Variants in OSCP1 observed in about 807,000 individuals in gnomAD.
OSCP1 encodes the protein protein OSCP1.
In OSCP1, 35 loss-of-function variants were observed where a neutral mutation model predicts 45.1. The observed-to-expected ratio is 0.78, with a 90% confidence interval of 0.59 to 1.03. The LOEUF (loss-of-function observed/expected upper bound fraction) is 1.03, where lower values mean the gene tolerates loss of function less well. Among genes scored for constraint, OSCP1 ranks in the 50% least tolerant of loss-of-function variants. The pLI is 0.00. For synonymous variants in OSCP1, 179 were observed against 180.1 expected (o/e 0.99, Z 0.05); for missense variants, 400 against 470.7 (o/e 0.85, Z 1.39).
intron 4 of OSCP1, among the ~76,000 whole-genome samples, chr1:36,425,693 AC>A (rs1260486893): frequency 6.6e-6 from 1 of 151,452 alleles, no homozygotes; most frequent in East Asian, 1.9e-4. Flanking sequence ...AGACCTTGTC[AC>A]TGTATTCCAG....
At chr1:36,449,536 A>T (rs1047248517) in intron 1 of OSCP1, among the ~76,000 whole-genome samples, 2 of 152,106 alleles carry the variant, frequency 1.3e-5, no homozygotes, top group Non-Finnish European at 2.9e-5. Context: ...ACCATAAAGA[A>T]ATTAAGAATC....
chr1:36,429,535 A>ATTTTTTTTTTTTTTTTTTTTTTTTT (rs200043573), intron 4 of OSCP1, among the ~76,000 whole-genome samples: 7 of 100,318 alleles, frequency 7.0e-5, no homozygotes, highest in African/African-American at 2.1e-4. Context: ...GAAGCTTAGA[A>ATTTTTTTTTTTTTTTTTTTTTTTTT]TTTTTTTTTT....
chr1:36,428,257 G>T, intron 4 of OSCP1: 161 of 1,307,942 alleles, frequency 1.2e-4, no homozygotes, highest in East Asian at 5.4e-4. Context: ...ATCTTCCTTT[G>T]TCCATGGAAG....
At chr1:36,438,630 G>A (rs1304747250) in intron 2 of OSCP1, 126 bp downstream of exon 2, 12 of 1,137,120 alleles carry the variant, frequency 1.1e-5, no homozygotes, top group South Asian at 3.7e-5. Flanking sequence ...ACAACTACTA[G>A]TATTTACACA....
chr1:36,429,914 G>A (rs1321180247), intron 4 of OSCP1, among the ~76,000 whole-genome samples: 2 of 150,932 alleles, frequency 1.3e-5, no homozygotes. Context: ...AGGTTCACGC[G>A]ATTCTCCTGC....
chr1:36,443,896 A>T, intron 1 of OSCP1: 1 of 1,265,340 alleles, frequency 7.9e-7, no homozygotes, highest in Non-Finnish European at 1.1e-6. Context: ...CTATTTTCTT[A>T]CTTTGACTTT....
intron 4 of OSCP1, among the ~76,000 whole-genome samples, chr1:36,426,123 G>A (rs1647949000): frequency 6.6e-6 from 1 of 152,190 alleles, no homozygotes; most frequent in Admixed American, 6.5e-5. Flanking sequence ...GTGACCAAGG[G>A]ATGTGAGTAC....
In OSCP1 at chr1:36,435,438, T is replaced by G. The variant is rs183964948; in HGVS notation, c.268-2849A>C. On this transcript the variant is annotated intron_variant, in intron 2 of 9. Coordinates refer to ENST00000235532, the MANE Select transcript of OSCP1 (RefSeq NM_145047.5). ...CTGGGATTACAGGTGTGAGCTACTG[T>G]GCTCAGTCTCTAAACTTTTTTAAAG... Among the ~76,000 whole-genome samples the G allele has an allele frequency of 4.8e-3, 726 of 152,134 alleles. 5 individuals are homozygous for G. Among genetic ancestry groups the G allele is most frequent in the Non-Finnish European group, 9.0e-3 (610 of 67,976 alleles).
chr1:36,447,285 T>A lies in OSCP1; in HGVS notation c.112+2973A>T, dbSNP rs1470818660. The stretch of plus-strand genomic sequence containing the variant: ...CTCTCTACCCTGTTTTCTCACTCTA[T>A]CTTCTACAGATCTCCAACAGCCAAC... On this transcript the variant is annotated intron_variant, in intron 1 of 9. Transcript: ENST00000235532. The surrounding 1 kb of genome is among the most constrained non-coding windows in gnomAD (Gnocchi z 4.1). 6.6e-6 allele frequency among the ~76,000 whole-genome samples: 1 copy of A among 152,206 alleles called. No homozygotes were observed. The highest frequency in any genetic ancestry group is 1.5e-5 in the Non-Finnish European group (1 of 68,034).
chr1:36,443,203 A>C (rs780414737), intron 1 of OSCP1, among the ~76,000 whole-genome samples: 24 of 152,106 alleles, frequency 1.6e-4, no homozygotes, highest in Non-Finnish European at 2.9e-4. Context: ...ACCTCAAGTG[A>C]TCCTCCTGCC....
intron 1 of OSCP1, among the ~76,000 whole-genome samples, chr1:36,442,037 G>A (rs1266175256): frequency 6.6e-6 from 1 of 152,006 alleles, no homozygotes; most frequent in Non-Finnish European, 1.5e-5. Flanking sequence ...AGACCAGCCT[G>A]ACCAACATGG....
chr1:36,426,765 G>A (rs758289351), intron 4 of OSCP1, among the ~76,000 whole-genome samples: 10 of 152,160 alleles, frequency 6.6e-5, no homozygotes, highest in Non-Finnish European at 5.9e-5. Flanking sequence ...TAGTGCAGTG[G>A]TGCGATCTCG....
chr1:36,428,298 A>G, intron 4 of OSCP1: 2 of 1,607,658 alleles, frequency 1.2e-6, no homozygotes, highest in South Asian at 2.2e-5. Flanking sequence ...AATACATTGC[A>G]TTTCTTCCCC....
At chr1:36,448,486 CA>C (rs1649671713) in intron 1 of OSCP1, among the ~76,000 whole-genome samples, 1 of 152,076 alleles carries the variant, frequency 6.6e-6, no homozygotes, top group Admixed American at 6.6e-5. Context: ...TGCTGGAGTA[CA>C]AAGATGAATA....
intron 9 of OSCP1, 93 bp downstream of exon 9, chr1:36,418,898 A>G (rs1647438280): frequency 1.8e-6 from 2 of 1,084,236 alleles, no homozygotes; most frequent in African/African-American, 3.2e-5. Flanking sequence ...ACTGCACTTC[A>G]CCTGGGTGAC....
At position 36,432,474 on chromosome 1, in the gene OSCP1, T is replaced by C. The variant is rs769235150; in HGVS notation, c.383A>G (p.Asp128Gly). The C allele has an allele frequency of 6.2e-7, 1 of 1,613,878 alleles. No individual in the cohort carries two copies. Among genetic ancestry groups the C allele is most frequent in the South Asian group, 1.1e-5 (1 of 91,066 alleles). ...HLDTIKGFIRDSPTILQQVDE... is the reference protein window; with the variant it reads ...HLDTIKGFIRGSPTILQQVDE... Reference sequence around the variant, plus strand: ...CACTTGCTGCAGGATGGTTGGGGAGTCTCGGATGAATCCCTTGATGGTATC... The same window carrying C: ...CACTTGCTGCAGGATGGTTGGGGAGCCTCGGATGAATCCCTTGATGGTATC... Residue 128 changes from aspartate (D) to glycine (G), a missense_variant, in exon 3 of 10, where the codon GAC becomes GGC. By Grantham distance (94) the Asp-to-Gly change is moderately conservative (BLOSUM62 -1). Coordinates refer to ENST00000235532, the MANE Select transcript of OSCP1 (RefSeq NM_145047.5).
rs151311655 is a variant in OSCP1, at chr1:36,450,271, G to T, written c.99C>A (p.Asp33Glu). 219 of 1,613,526 alleles carry T rather than the reference G, an allele frequency of 1.4e-4. No homozygotes were observed. The highest frequency in any genetic ancestry group is 1.7e-4 in the Non-Finnish European group (201 of 1,179,794). Residue 33 changes from aspartate (D) to glutamate (E), a missense_variant, in exon 1 of 10, where the codon GAC becomes GAA. Transcript: ENST00000235532. ...QRLRAQNIPGDKARKVLNDII... is the reference protein window; with the variant it reads ...QRLRAQNIPGEKARKVLNDII... ...GGGGCCTCTCACCTTTGCGGGCCTT[G>T]TCTCCCGGGATGTTCTGGGCCCGCA... is the stretch of plus-strand genomic sequence containing the variant.
intron 4 of OSCP1, among the ~76,000 whole-genome samples, chr1:36,424,335 G>A (rs1359435371): frequency 6.6e-6 from 1 of 152,226 alleles, no homozygotes; most frequent in African/African-American, 2.4e-5. Context: ...AGAGAGTGAA[G>A]TGACTTGCCC....
chr1:36,437,733 G>A (rs1648843471), intron 2 of OSCP1, among the ~76,000 whole-genome samples: 1 of 152,072 alleles, frequency 6.6e-6, no homozygotes. Context: ...TGGCCAGACT[G>A]GTCTCGAACT....
Sources: gnomAD v4.1 joint callset for allele counts (sites outside exome capture counted in the v4.1 genomes callset) on GRCh38, gnomAD v4.1.1 for gene constraint, Gnocchi (gnomAD v3.1) non-coding constraint, MANE v1.5 for transcripts, NCBI Gene and HGNC (gene_info 2026-07-23, HGNC 2026-07-21) for gene names.